Variants in MAL2 observed in about 807,000 individuals in gnomAD.
MAL2 encodes the protein protein MAL2.
Under a neutral mutation model 18.1 loss-of-function variants are expected in MAL2, and 17 were observed. The ratio of observed to expected loss-of-function variants is 0.94; its 90% CI spans 0.64 to 1.41. MAL2 has a LOEUF of 1.41. Ranked by LOEUF, MAL2 falls within the 40% of genes most tolerant of loss-of-function variation. The pLI is 0.00. For missense variants in MAL2, 222 were observed against 231.9 expected (o/e 0.96, Z 0.28); for synonymous variants, 102 against 102.3 (o/e 1.00, Z 0.02).
Position 119,243,734 on chromosome 8 carries a change from T to A in MAL2, c.*246T>A, listed in dbSNP as rs529467754. ...TCCCTTTCCCCCTTTATTTTCCTCC[T>A]TTTCTTTCTGAAAGTTTCCTTTTAT... On this transcript the variant is annotated 3_prime_UTR_variant, in exon 4 of 4. Transcript: ENST00000614891. 1.2e-5 allele frequency: 4 copies of A among 343,906 alleles called. No homozygotes were observed. In the East Asian group the frequency reaches 1.8e-4, roughly 15 times the overall value. 21.3% of individuals were successfully genotyped at this position (343,906 alleles called of 1,614,324 possible).
At chr8:119,239,181 C>T (rs1320141331) in intron 2 of MAL2, among the ~76,000 whole-genome samples, 2 of 152,106 alleles carry the variant, frequency 1.3e-5, no homozygotes, top group Admixed American at 6.5e-5. Flanking sequence ...AAAATGCTCA[C>T]CATCACTGAC....
chr8:119,237,349 T>C (rs1377298372), intron 2 of MAL2, among the ~76,000 whole-genome samples: 2 of 151,762 alleles, frequency 1.3e-5, no homozygotes, highest in Non-Finnish European at 2.9e-5. Context: ...AGCTGAATTC[T>C]ACCAGAGGTA....
intron 1 of MAL2, among the ~76,000 whole-genome samples, chr8:119,217,430 A>G (rs533305724): frequency 6.6e-6 from 1 of 152,292 alleles, no homozygotes; most frequent in African/African-American, 2.4e-5. Context: ...ACCTACTCCT[A>G]GGAGGTTTTT....
chr8:119,235,796 C>A (rs1247235420), intron 2 of MAL2, among the ~76,000 whole-genome samples: 37 of 137,906 alleles, frequency 2.7e-4, no homozygotes, highest in South Asian at 1.2e-3. Context: ...GAAGGAAGCA[C>A]TAAACATGGA....
chr8:119,242,255 CTAGTTTTCCGTGTTCTCCA>C lies in MAL2; in HGVS notation c.460-1159_460-1141del, dbSNP rs1241518149. 5.3e-5 allele frequency among the ~76,000 whole-genome samples: 8 copies of C among 152,228 alleles called. No homozygotes were observed. In the East Asian group the frequency reaches 1.5e-3, roughly 29 times the overall value. On this transcript the variant is annotated intron_variant, in intron 3 of 3. Coordinates refer to ENST00000614891, the MANE Select transcript of MAL2 (RefSeq NM_052886.3). The stretch of plus-strand genomic sequence containing the variant: ...AATTTGTCACCTTTGTCCTAAGGGC[CTAGTTTTCCGTGTTCTCCA>C]TAATGTAGTTCTGTTCTGGCTGCTT...
At position 119,208,782 on chromosome 8, in the gene MAL2, C is replaced by T. The variant is rs1200056259; in HGVS notation, c.132+178C>T. ...CCCCGCGCCGCCGCCCGGGCCCTCC[C>T]TCCTAGCACCTGTTACGCGGGCACC... On this transcript the variant is annotated intron_variant, in intron 1 of 3. Transcript: ENST00000614891. This position sits in a 1 kb window ranked among gnomAD's most constrained non-coding sequence, Gnocchi z 4.3. The T allele has an allele frequency of 4.0e-6, 4 of 1,000,976 alleles. No individual in the cohort carries two copies. Among genetic ancestry groups the T allele is most frequent in the African/African-American group, 3.4e-5 (2 of 59,700 alleles). The allele number at this position is 1,000,976 out of a possible 1,614,324, so 62.0% of individuals were successfully genotyped here. A position where few individuals can be genotyped will look rare whatever the true frequency, so the allele number is the denominator to read the frequency against.
intron 2 of MAL2, among the ~76,000 whole-genome samples, chr8:119,234,591 C>T (rs1367280270): frequency 6.6e-6 from 1 of 151,998 alleles, no homozygotes; most frequent in Non-Finnish European, 1.5e-5. Flanking sequence ...AGTGGTTCTC[C>T]CAGCATGCAG....
chr8:119,230,020 T>C lies in MAL2; in HGVS notation c.303+8263T>C, dbSNP rs74515326. Among the ~76,000 whole-genome samples, 1,258 of 152,244 alleles carry C rather than the reference T, an allele frequency of 8.3e-3. 15 individuals are homozygous for C. The highest frequency in any genetic ancestry group is 0.027 in the African/African-American group (1,110 of 41,538). ...GACAGCTGCTGACCCACCTGATTTTTTGAGTTAGTGGCTTCCATGGAACCC... is the reference window on the plus strand; with the variant it reads ...GACAGCTGCTGACCCACCTGATTTTCTGAGTTAGTGGCTTCCATGGAACCC... On this transcript the variant is annotated intron_variant, in intron 2 of 3. Coordinates refer to ENST00000614891, the MANE Select transcript of MAL2 (RefSeq NM_052886.3).
At position 119,240,309 on chromosome 8, in the gene MAL2, G is replaced by T. The variant is rs765848577; in HGVS notation, c.448G>T (p.Val150Leu). 1.2e-6 allele frequency: 2 copies of T among 1,612,906 alleles called. No homozygotes were observed. The highest frequency in any genetic ancestry group is 2.2e-5 in the East Asian group (1 of 44,886). The change falls in exon 3 of 4, where the codon GTA becomes TTA. Residue 150 changes from valine (V) to leucine (L), a missense_variant. Coordinates refer to ENST00000614891, the MANE Select transcript of MAL2 (RefSeq NM_052886.3). ...GAGTGATAACCAGTATAACATAAAC[G>T]TAGCAGCCTCAGTAAGTATTCATAT... is the stretch of plus-strand genomic sequence containing the variant. ...LLSDNQYNIN[V>L]AASIFAFMTT...
At chr8:119,226,166 G>A (rs2129832673) in intron 2 of MAL2, among the ~76,000 whole-genome samples, 1 of 152,124 alleles carries the variant, frequency 6.6e-6, no homozygotes, top group South Asian at 2.1e-4. Flanking sequence ...GTCAATTTTG[G>A]CTTGTGTTGC....
intron 2 of MAL2, among the ~76,000 whole-genome samples, chr8:119,227,900 G>T (rs985985227): frequency 1.3e-5 from 2 of 152,058 alleles, no homozygotes; most frequent in African/African-American, 4.8e-5. Flanking sequence ...TTCCTGTCTG[G>T]TGGTCTCAGT....
At chr8:119,238,204 A>C (rs1817956084) in intron 2 of MAL2, among the ~76,000 whole-genome samples, 1 of 152,206 alleles carries the variant, frequency 6.6e-6, no homozygotes, top group Non-Finnish European at 1.5e-5. Context: ...AAAGAGAATA[A>C]AATACCTAGG....
rs181872125 is a variant in MAL2, at chr8:119,217,120, T to A, written c.133-4467T>A. ...TGTATTTTTCCCATTCCACAGTTTC[T>A]AGTGAAAACATGTCTTCACATCAAA... On this transcript the variant is annotated intron_variant, in intron 1 of 3. Transcript: ENST00000614891. Among the ~76,000 whole-genome samples, 93 of 152,338 alleles carry A rather than the reference T, an allele frequency of 6.1e-4. No homozygotes were observed. The Middle Eastern group carries it at 0.02, about 33-fold the overall frequency.
At chr8:119,240,555 A>G (rs144877901) in intron 3 of MAL2, among the ~76,000 whole-genome samples, 2,087 of 152,366 alleles carry the variant, frequency 0.014, 47 homozygotes, top group African/African-American at 0.048. Flanking sequence ...AGATCATAGC[A>G]AGCCAGTAGG....
chr8:119,223,462 G>A (rs561520890), intron 2 of MAL2: 1 of 152,298 alleles, frequency 6.6e-6, no homozygotes, highest in East Asian at 1.9e-4. Context: ...GTTTTCCCAA[G>A]TTTGCATTTC....
rs1054940751 is a variant in MAL2 at position 119,243,515 on chromosome 8, G to T, written c.*27G>T. 11 of 1,557,530 alleles carry T rather than the reference G, an allele frequency of 7.1e-6. No homozygotes were observed. The highest frequency in any genetic ancestry group is 9.6e-6 in the Non-Finnish European group (11 of 1,149,240). On this transcript the variant is annotated 3_prime_UTR_variant, in exon 4 of 4. Transcript: ENST00000614891. ...ACTCCTTAGAAACTGGCAGTCGTAT[G>T]TTAGTTTCACTTGTCTACTTTATAT...
intron 2 of MAL2, among the ~76,000 whole-genome samples, chr8:119,227,696 A>G (rs1392357891): frequency 1.3e-5 from 2 of 152,174 alleles, no homozygotes; most frequent in Non-Finnish European, 2.9e-5. Flanking sequence ...CTCTCCTCTC[A>G]TACTGCAGAT....
intron 2 of MAL2, among the ~76,000 whole-genome samples, chr8:119,236,396 G>A (rs1261646648): frequency 6.6e-6 from 1 of 151,602 alleles, no homozygotes; most frequent in African/African-American, 2.4e-5. Flanking sequence ...GAGATAGAAA[G>A]TCAACAAGGA....
chr8:119,233,681 TC>T (rs1431203115), intron 2 of MAL2, among the ~76,000 whole-genome samples: 4 of 152,048 alleles, frequency 2.6e-5, no homozygotes, highest in African/African-American at 4.8e-5. Flanking sequence ...GTGGCAATAA[TC>T]AATAGCTTAC....
Sources: gnomAD v4.1 joint callset for allele counts (sites outside exome capture counted in the v4.1 genomes callset) on GRCh38, gnomAD v4.1.1 for gene constraint, Gnocchi (gnomAD v3.1) non-coding constraint, MANE v1.5 for transcripts, NCBI Gene and HGNC (gene_info 2026-07-23, HGNC 2026-07-21) for gene names.